Variants in CTBP1 observed in about 807,000 individuals in gnomAD.
The protein encoded by CTBP1 is C-terminal binding protein 1.
A neutral mutation model predicts 42.1 loss-of-function variants in CTBP1; 11 were observed. That is an observed-to-expected ratio of 0.26 (90% confidence interval 0.16 to 0.43). The LOEUF (loss-of-function observed/expected upper bound fraction) is 0.43, where lower values mean the gene tolerates loss of function less well. CTBP1 is among the 20% of genes least tolerant of loss of function. CTBP1 has a pLI of 1.00. For synonymous variants in CTBP1, 324 were observed against 277.1 expected (o/e 1.17, Z -1.68); for missense variants, 399 against 624.3 (o/e 0.64, Z 3.85).
Position 1,243,388 on chromosome 4 carries a change from C to T in CTBP1, c.-188-1869G>A, listed in dbSNP as rs972729995. 5.1e-6 allele frequency: 5 copies of T among 985,286 alleles called. No individual in the cohort carries two copies. In the African/African-American group the frequency reaches 7.0e-5, roughly 14 times the overall value. The allele number at this position is 985,286 out of a possible 1,614,324, so 61.0% of individuals were successfully genotyped here. A position where few individuals can be genotyped will look rare whatever the true frequency, so the allele number is the denominator to read the frequency against. Reference sequence around the variant, plus strand: ...GGGCCCTGCACTCCCTGGGCTAGCCCTGCCAGACCTGAGGGGCTGCACCCC... The same window carrying T: ...GGGCCCTGCACTCCCTGGGCTAGCCTTGCCAGACCTGAGGGGCTGCACCCC... On this transcript the variant is annotated intron_variant, in intron 1 of 9. Transcript: ENST00000382952.
intron 1 of CTBP1, chr4:1,243,502 G>A (rs1732403318): frequency 1.0e-6 from 1 of 985,250 alleles, no homozygotes; most frequent in South Asian, 4.7e-5. Context: ...TTCTCCTCCA[G>A]GGACCTCTGT....
chr4:1,231,437 C>T (rs1380890046), intron 3 of CTBP1, among the ~76,000 whole-genome samples: 3 of 152,206 alleles, frequency 2.0e-5, no homozygotes, highest in Non-Finnish European at 2.9e-5. Context: ...TGCTCAGTGC[C>T]CTCAACTCCA....
At chr4:1,213,799 G>C in intron 7 of CTBP1, 194 bp from the exon 8 acceptor site, 1 of 649,256 alleles carries the variant, frequency 1.5e-6, no homozygotes, top group Non-Finnish European at 2.5e-6. Context: ...AGGGGCTCCT[G>C]ACAGCGGCGG....
At chr4:1,242,661 TG>T (rs1732299500) in intron 1 of CTBP1, 5 of 985,310 alleles carry the variant, frequency 5.1e-6, no homozygotes, top group Non-Finnish European at 6.0e-6. Flanking sequence ...AGGTGCTGTG[TG>T]GGACTCCCTG....
chr4:1,219,190 A>G (rs1729470132), intron 5 of CTBP1, among the ~76,000 whole-genome samples: 1 of 152,080 alleles, frequency 6.6e-6, no homozygotes, highest in African/African-American at 2.4e-5. Context: ...AATAATAATA[A>G]TAACAATTAA....
intron 9 of CTBP1, 70 bp downstream of exon 9, chr4:1,212,843 G>A: frequency 1.5e-6 from 2 of 1,350,256 alleles, no homozygotes; most frequent in Non-Finnish European, 2.1e-6. Context: ...TCCCACCAGG[G>A]GCTGTGCTGG....
At chr4:1,237,265 C>A (rs1173217980) in intron 3 of CTBP1, 1 of 671,316 alleles carries the variant, frequency 1.5e-6, no homozygotes, top group Non-Finnish European at 2.7e-6. Context: ...GAGTGTCCAC[C>A]TCCTCATGGG....
At chr4:1,248,721 G>C (rs537671526) in intron 1 of CTBP1, 195 bp downstream of exon 1, 1 of 981,572 alleles carries the variant, frequency 1.0e-6, no homozygotes, top group African/African-American at 1.8e-5. Context: ...AGCGGCCCGC[G>C]CATGCGCAAG....
At chr4:1,227,548 G>A (rs1041754050) in intron 4 of CTBP1, among the ~76,000 whole-genome samples, 7 of 149,432 alleles carry the variant, frequency 4.7e-5, no homozygotes, top group Non-Finnish European at 7.4e-5. Flanking sequence ...ATGCATGGCT[G>A]CAGATGTGCG....
chr4:1,229,171 G>T (rs1162517309), intron 3 of CTBP1, among the ~76,000 whole-genome samples: 1 of 152,192 alleles, frequency 6.6e-6, no homozygotes, highest in Non-Finnish European at 1.5e-5. Flanking sequence ...GCCCAGGGAG[G>T]GCAGGGGCAG....
chr4:1,214,995 C>T (rs966077188), intron 6 of CTBP1, among the ~76,000 whole-genome samples: 1 of 152,222 alleles, frequency 6.6e-6, no homozygotes, highest in South Asian at 2.1e-4. Context: ...GGCTCTCCCT[C>T]GGCTTCGTGG....
upstream of CTBP1, chr4:1,249,721 G>A (rs886128012): frequency 2.5e-6 from 1 of 398,490 alleles, no homozygotes; most frequent in Non-Finnish European, 5.1e-6. Context: ...CCAGGCGGGG[G>A]AGCCCCGACT....
At chr4:1,223,646 A>G (rs921686077) in intron 5 of CTBP1, 5 of 372,968 alleles carry the variant, frequency 1.3e-5, no homozygotes, top group African/African-American at 8.5e-5. Context: ...GTGTCCAGGG[A>G]GTCTTCAGAA....
intron 5 of CTBP1, among the ~76,000 whole-genome samples, chr4:1,222,675 G>A (rs756415635): frequency 1.3e-5 from 2 of 152,144 alleles, no homozygotes; most frequent in Non-Finnish European, 2.9e-5. Flanking sequence ...TACCCTCTGA[G>A]GGCATCCCGA....
At chr4:1,224,433 T>C (rs1730098616) in intron 5 of CTBP1, among the ~76,000 whole-genome samples, 1 of 151,528 alleles carries the variant, frequency 6.6e-6, no homozygotes, top group African/African-American at 2.4e-5. Context: ...GTGTGTACTG[T>C]GACATCTGTG....
chr4:1,232,500 C>T (rs891547946), intron 3 of CTBP1, among the ~76,000 whole-genome samples: 3 of 151,984 alleles, frequency 2.0e-5, no homozygotes, highest in Admixed American at 6.6e-5. Flanking sequence ...TTAGTAGAGA[C>T]GAGGTTTCAC....
At chr4:1,244,609 C>A in intron 1 of CTBP1, 1 of 985,338 alleles carries the variant, frequency 1.0e-6, no homozygotes, top group Non-Finnish European at 1.2e-6. Flanking sequence ...CTTCTTCCCC[C>A]TCCCCACAGC....
Position 1,235,089 on chromosome 4 carries a change from GGAGGACACC to G in CTBP1, c.162+3085_162+3093del, listed in dbSNP as rs1162221292. 1 of 152,244 alleles carries G rather than the reference GGAGGACACC, an allele frequency of 6.6e-6. No homozygotes were observed. The highest frequency in any genetic ancestry group is 2.4e-5 in the African/African-American group (1 of 41,444). The allele number at this position is 152,244 out of a possible 1,614,324, so 9.4% of individuals were successfully genotyped here. A position where few individuals can be genotyped will look rare whatever the true frequency, so the allele number is the denominator to read the frequency against. Reference sequence around the variant, plus strand: ...ACCCAGCGTTCATGCCTGTTGCTGAGGAGGACACCGAGGGAGGTGGCCAGCATTTGCCTG... The same window carrying G: ...ACCCAGCGTTCATGCCTGTTGCTGAGGAGGGAGGTGGCCAGCATTTGCCTG... On this transcript the variant is annotated intron_variant, in intron 3 of 9. Transcript: ENST00000382952. The surrounding 1 kb of genome is among the most constrained non-coding windows in gnomAD (Gnocchi z 4.2).
chr4:1,213,707 G>A, intron 7 of CTBP1, 102 bp from the exon 8 acceptor site: 1 of 1,462,014 alleles, frequency 6.8e-7, no homozygotes, highest in Non-Finnish European at 9.1e-7. Flanking sequence ...GCCCTGCCTG[G>A]GAACCACAGA....
Sources: gnomAD v4.1 joint callset for allele counts (sites outside exome capture counted in the v4.1 genomes callset) on GRCh38, gnomAD v4.1.1 for gene constraint, Gnocchi (gnomAD v3.1) non-coding constraint, MANE v1.5 for transcripts, NCBI Gene and HGNC (gene_info 2026-07-23, HGNC 2026-07-21) for gene names.